Variants in ATF6 observed in about 807,000 individuals in gnomAD.
ATF6 encodes the protein cyclic AMP-dependent transcription factor ATF-6 alpha.
ATF6 carries 53 observed loss-of-function variants against 83.6 expected under a neutral mutation model. The observed-to-expected ratio is 0.63, with a 90% CI of 0.51 to 0.80. The LOEUF (loss-of-function observed/expected upper bound fraction) is 0.80. ATF6 is among the 30% of genes least tolerant of loss of function. The probability of loss-of-function intolerance (pLI) is 0.00; values close to 1 mark genes in which losing one functional copy is unlikely to be tolerated. For missense variants in ATF6, 744 were observed against 797.9 expected (o/e 0.93, Z 0.81); for synonymous variants, 288 against 285.8 (o/e 1.01, Z -0.08).
At chr1:161,850,737 T>C (rs2101824448) in intron 10 of ATF6, among the ~76,000 whole-genome samples, 1 of 152,330 alleles carries the variant, frequency 6.6e-6, no homozygotes, top group Middle Eastern at 3.4e-3. Flanking sequence ...CAGTTTTATA[T>C]GTTTACATGT....
intron 14 of ATF6, among the ~76,000 whole-genome samples, chr1:161,875,046 A>G (rs549112902): frequency 6.6e-6 from 1 of 151,944 alleles, no homozygotes; most frequent in African/African-American, 2.4e-5. Flanking sequence ...TCAAAGAAAC[A>G]TTAATGAGAA....
chr1:161,791,100 GTGTCTC>G (rs1402873192), intron 4 of ATF6, among the ~76,000 whole-genome samples: 3 of 143,442 alleles, frequency 2.1e-5, no homozygotes, highest in Non-Finnish European at 4.5e-5. Flanking sequence ...GTGTGTGTGT[GTGTCTC>G]TGTGTGTGTG....
At position 161,940,614 on chromosome 1, in the gene ATF6, A is replaced by T. The variant is rs568907294; in HGVS notation, c.1805-17832A>T. On this transcript the variant is annotated intron_variant, in intron 15 of 15. Coordinates refer to ENST00000367942, the MANE Select transcript of ATF6 (RefSeq NM_007348.4). ...TGCTCTGTTGCCCAGGCTGAAGTGC[A>T]GTGGCACAATCTTGGCTCACTGCAA... Among the ~76,000 whole-genome samples the T allele has an allele frequency of 3.2e-4, 47 of 145,714 alleles. 2 individuals carry two copies. The highest frequency in any genetic ancestry group is 1.2e-4 in the Non-Finnish European group (8 of 67,086).
chr1:161,936,856 C>T (rs528969628), intron 15 of ATF6, among the ~76,000 whole-genome samples: 12 of 152,130 alleles, frequency 7.9e-5, no homozygotes, highest in African/African-American at 1.4e-4. Flanking sequence ...CACCCTCAAC[C>T]TTCTCCTGTA....
chr1:161,820,568 T>C (rs538731689), intron 8 of ATF6, among the ~76,000 whole-genome samples: 28 of 152,170 alleles, frequency 1.8e-4, no homozygotes, highest in Admixed American at 5.9e-4. Context: ...CTGGCCAACA[T>C]AGTGAAACCC....
chr1:161,920,294 C>CTCTTTTTTTTTTT lies in ATF6; in HGVS notation c.1804+7915_1804+7916insCTTTTTTTTTTTT, dbSNP rs1157916734. ...TAGTTCTCTTTCTCTCTCTCTCTCTCTTTTTTTTTTTTTTTTTTGAGACAG... is the reference window on the plus strand; with the variant it reads ...TAGTTCTCTTTCTCTCTCTCTCTCTCTCTTTTTTTTTTTTTTTTTTTTTTTTTTTTTGAGACAG... On this transcript the variant is annotated intron_variant, in intron 15 of 15. Transcript: ENST00000367942. Among the ~76,000 whole-genome samples, 115 of 54,824 alleles carry CTCTTTTTTTTTTT rather than the reference C, an allele frequency of 2.1e-3. 1 individual carries two copies. Among genetic ancestry groups the CTCTTTTTTTTTTT allele is most frequent in the South Asian group, 6.3e-3 (7 of 1,120 alleles). The allele number at this position is 54,824 out of a possible 152,430, so 36.0% of individuals were successfully genotyped here.
chr1:161,887,047 C>T (rs1278234812), intron 14 of ATF6, among the ~76,000 whole-genome samples: 1 of 152,024 alleles, frequency 6.6e-6, no homozygotes, highest in African/African-American at 2.4e-5. Context: ...ATTTGTCAAC[C>T]CTAACTACAT....
chr1:161,829,585 A>G (rs1326942368), intron 9 of ATF6, among the ~76,000 whole-genome samples: 1 of 152,170 alleles, frequency 6.6e-6, no homozygotes, highest in Non-Finnish European at 1.5e-5. Flanking sequence ...ATCTAGCAAC[A>G]TATCAAAAAG....
At position 161,792,112 on chromosome 1, in the gene ATF6, G is replaced by GT. The variant is rs1205623665; in HGVS notation, c.485-7dup. On this transcript the variant is annotated splice_polypyrimidine_tract_variant and intron_variant, in intron 5 of 15. Coordinates refer to ENST00000367942, the MANE Select transcript of ATF6 (RefSeq NM_007348.4). The stretch of plus-strand genomic sequence containing the variant: ...TTCACATTGACTTGTGGTTTGTCTG[G>GT]TTTTTCTCCAGAAAATGGACTGACT... 1.5e-5 allele frequency: 24 copies of GT among 1,612,738 alleles called. No homozygotes were observed. Among genetic ancestry groups the GT allele is most frequent in the Non-Finnish European group, 1.9e-5 (22 of 1,179,702 alleles).
intron 14 of ATF6, among the ~76,000 whole-genome samples, chr1:161,887,353 T>TA (rs1687447279): frequency 6.6e-6 from 1 of 152,128 alleles, no homozygotes; most frequent in Non-Finnish European, 1.5e-5. Flanking sequence ...GTGCTGGGAT[T>TA]ACAGGCTTGA....
At chr1:161,851,269 CA>C (rs1557995049) in intron 10 of ATF6, among the ~76,000 whole-genome samples, 6 of 150,470 alleles carry the variant, frequency 4.0e-5, no homozygotes, top group African/African-American at 1.5e-4. Context: ...CACACACACA[CA>C]CACACCCCTA....
intron 9 of ATF6, among the ~76,000 whole-genome samples, chr1:161,823,333 T>A (rs1685808915): frequency 6.6e-6 from 1 of 150,960 alleles, no homozygotes; most frequent in Non-Finnish European, 1.5e-5. Flanking sequence ...TGTAAAAATA[T>A]TTTTTTTGGG....
chr1:161,909,213 C>A (rs1450006045), intron 14 of ATF6, among the ~76,000 whole-genome samples: 2 of 152,162 alleles, frequency 1.3e-5, no homozygotes, highest in African/African-American at 4.8e-5. Context: ...CTTCTTGCTC[C>A]ATAATCCTCA....
At chr1:161,926,254 A>G (rs1688306648) in intron 15 of ATF6, among the ~76,000 whole-genome samples, 1 of 152,224 alleles carries the variant, frequency 6.6e-6, no homozygotes, top group African/African-American at 2.4e-5. Context: ...TATACTATCT[A>G]TTGTGTGTAA....
intron 15 of ATF6, among the ~76,000 whole-genome samples, chr1:161,941,624 C>T (rs143676189): frequency 2.1e-4 from 32 of 152,222 alleles, no homozygotes; most frequent in African/African-American, 7.2e-4. Flanking sequence ...AACTACATGG[C>T]GATTCTAGTT....
chr1:161,849,153 C>T (rs1686554436), intron 10 of ATF6, among the ~76,000 whole-genome samples: 1 of 152,160 alleles, frequency 6.6e-6, no homozygotes. Context: ...TGTTAAGCAG[C>T]CTCCTCTTAG....
At chr1:161,897,896 T>C (rs1034219484) in intron 14 of ATF6, among the ~76,000 whole-genome samples, 3 of 152,338 alleles carry the variant, frequency 2.0e-5, no homozygotes, top group South Asian at 4.1e-4. Flanking sequence ...TAAGGTTATA[T>C]ATGTGGCTTG....
chr1:161,938,862 T>C (rs1372902780), intron 15 of ATF6, among the ~76,000 whole-genome samples: 1 of 152,166 alleles, frequency 6.6e-6, no homozygotes, highest in Non-Finnish European at 1.5e-5. Context: ...TTCATTGCAG[T>C]GGGTTTGATA....
chr1:161,769,558 A>T (rs1684338353), intron 1 of ATF6, among the ~76,000 whole-genome samples: 3 of 152,200 alleles, frequency 2.0e-5, no homozygotes, highest in Admixed American at 6.5e-5. Flanking sequence ...TTTCAGGATG[A>T]TTCAAGTGCA....
Sources: gnomAD v4.1 joint callset for allele counts (sites outside exome capture counted in the v4.1 genomes callset) on GRCh38, gnomAD v4.1.1 for gene constraint, MANE v1.5 for transcripts, NCBI Gene and HGNC (gene_info 2026-07-23, HGNC 2026-07-21) for gene names.